Variants in TBC1D3G observed in about 807,000 individuals in gnomAD.
The protein encoded by TBC1D3G is TBC1 domain family member-like.
At chr17:36,323,718 CACAA>C (rs2069377176), upstream of TBC1D3G, among the ~76,000 whole-genome samples, 1 of 127,344 alleles carries the variant, frequency 7.9e-6, no homozygotes, top group Non-Finnish European at 1.7e-5. Flanking sequence ...CACGCACGTG[CACAA>C]ACACATTGCA....
chr17:36,317,775 G>T, the TBC1D3G span, among the ~76,000 whole-genome samples: 1 of 143,890 alleles, frequency 6.9e-6, no homozygotes, highest in Non-Finnish European at 1.5e-5. Context: ...CTCTTTCTCA[G>T]TTTCTCTTGA....
At chr17:36,326,358 A>G (rs1295326409) in intron 3 of TBC1D3G, among the ~76,000 whole-genome samples, 1 of 130,702 alleles carries the variant, frequency 7.7e-6, no homozygotes, top group Admixed American at 7.3e-5. Context: ...GCCAGGTAAG[A>G]GGAGCCCAGC....
At chr17:36,317,703 A>G in the TBC1D3G span, among the ~76,000 whole-genome samples, 1 of 148,932 alleles carries the variant, frequency 6.7e-6, no homozygotes, top group African/African-American at 2.5e-5. Flanking sequence ...TAAGTGCTTA[A>G]ACACCATTCA....
At chr17:36,331,121 GC>G (rs1460448413) in intron 9 of TBC1D3G, among the ~76,000 whole-genome samples, 160 bp from the exon 10 acceptor site, 4 of 80 alleles carry the variant, frequency 0.05, no homozygotes, top group Non-Finnish European at 0.083. Flanking sequence ...GAATGTTCCC[GC>G]CCCACCTCCC....
the TBC1D3G span, among the ~76,000 whole-genome samples, chr17:36,316,531 CA>C: frequency 0.012 from 218 of 17,576 alleles, no homozygotes; most frequent in African/African-American, 0.025. Context: ...AACTCCATCT[CA>C]AAAAAAAAAA....
At chr17:36,326,704 CT>C (rs1328288753) in intron 3 of TBC1D3G, among the ~76,000 whole-genome samples, 1 of 16,404 alleles carries the variant, frequency 6.1e-5, no homozygotes, top group Non-Finnish European at 2.0e-4. Context: ...GCTAACCTTT[CT>C]CAGCTCCAGC....
rs2069410890 is a variant in TBC1D3G at position 36,332,798 on chromosome 17, CG to C, written c.968del (p.Arg323LeufsTer25). On this transcript the variant is annotated frameshift_variant, in exon 13 of 14. Coordinates refer to ENST00000569055, the MANE Select transcript of TBC1D3G (RefSeq NM_001291462.2). LOFTEE classifies it high-confidence loss of function. ...GACGTCCAGGTGTGGCCCGTGGGCA[CG>C]TTTTTGCAACCGGTTCGTTGATACC... is the stretch of plus-strand genomic sequence containing the variant. The part of the protein sequence containing the change: ...TKTSRCGPWA[R>X]FCNRFVDTWA... The C allele has an allele frequency of 1.3e-6, 1 of 759,812 alleles. No homozygotes were observed. Among genetic ancestry groups the C allele is most frequent in the Non-Finnish European group, 1.8e-6 (1 of 549,786 alleles). The allele number at this position is 759,812 out of a possible 1,614,324, so 47.1% of individuals were successfully genotyped here. A position where few individuals can be genotyped will look rare whatever the true frequency, so the allele number is the denominator to read the frequency against.
chr17:36,317,931 A>G, the TBC1D3G span, among the ~76,000 whole-genome samples: 2 of 111,098 alleles, frequency 1.8e-5, no homozygotes, highest in Non-Finnish European at 3.5e-5. Context: ...CTATTTGCCT[A>G]TATTTATCTG....
the TBC1D3G span, among the ~76,000 whole-genome samples, chr17:36,318,435 C>CAAAAAAAAAAAAAAAAAAA: frequency 1.3e-3 from 14 of 10,440 alleles, 3 homozygotes; most frequent in African/African-American, 3.1e-3. Flanking sequence ...GACTTTGTCT[C>CAAAAAAAAAAAAAAAAAAA]AAAAAAAAAA....
chr17:36,317,715 T>G, the TBC1D3G span, among the ~76,000 whole-genome samples: 1 of 148,536 alleles, frequency 6.7e-6, no homozygotes, highest in Non-Finnish European at 1.5e-5. Flanking sequence ...CACCATTCAT[T>G]ACTAAACTAC....
chr17:36,332,799 GT>G lies in TBC1D3G; in HGVS notation c.973del (p.Cys325AlafsTer23). 1 of 771,152 alleles carries G rather than the reference GT, an allele frequency of 1.3e-6. No homozygotes were observed. Among genetic ancestry groups the G allele is most frequent in the East Asian group, 5.3e-5 (1 of 18,716 alleles). 47.8% of individuals were successfully genotyped at this position (771,152 alleles called of 1,614,324 possible). On this transcript the variant is annotated frameshift_variant, in exon 13 of 14. Coordinates refer to ENST00000569055, the MANE Select transcript of TBC1D3G (RefSeq NM_001291462.2). LOFTEE classifies it high-confidence loss of function. ...ACGTCCAGGTGTGGCCCGTGGGCAC[GT>G]TTTTGCAACCGGTTCGTTGATACCT... ...TKTSRCGPWA[R>X]FCNRFVDTWA...
At chr17:36,318,472 A>AAAAAAAAAAAAAAAAAAAAAAAG in the TBC1D3G span, among the ~76,000 whole-genome samples, 5 of 104,092 alleles carry the variant, frequency 4.8e-5, no homozygotes, top group African/African-American at 1.4e-4. Flanking sequence ...AAAAAAAAAA[A>AAAAAAAAAAAAAAAAAAAAAAAG]AAAGAAAGGA....
At chr17:36,317,754 T>C in the TBC1D3G span, among the ~76,000 whole-genome samples, 2 of 146,646 alleles carry the variant, frequency 1.4e-5, no homozygotes, top group African/African-American at 5.1e-5. Flanking sequence ...ATAATTTTTA[T>C]ATAAGCAGTA....
intron 3 of TBC1D3G, among the ~76,000 whole-genome samples, chr17:36,326,465 C>T (rs1472678921): frequency 7.0e-5 from 6 of 86,126 alleles, no homozygotes; most frequent in African/African-American, 1.5e-4. Flanking sequence ...ACTTCTGAAA[C>T]GCAGGGTGTG....
intron 3 of TBC1D3G, among the ~76,000 whole-genome samples, chr17:36,326,445 G>C (rs1416928002): frequency 9.9e-6 from 1 of 101,146 alleles, no homozygotes; most frequent in African/African-American, 3.3e-5. Flanking sequence ...GGGAGCTGAC[G>C]AGCGGTGCCA....
At chr17:36,317,758 A>C in the TBC1D3G span, among the ~76,000 whole-genome samples, 10 of 146,412 alleles carry the variant, frequency 6.8e-5, no homozygotes, top group South Asian at 2.2e-3. Context: ...TTTTTATATA[A>C]GCAGTACTCT....
At chr17:36,333,356 C>G (rs1256383400) in intron 13 of TBC1D3G, among the ~76,000 whole-genome samples, 11 of 58,574 alleles carry the variant, frequency 1.9e-4, no homozygotes, top group African/African-American at 7.2e-4. Flanking sequence ...CAAGGGAATC[C>G]GTGTCCCTGA....
At chr17:36,317,761 A>G in the TBC1D3G span, among the ~76,000 whole-genome samples, 2 of 146,042 alleles carry the variant, frequency 1.4e-5, no homozygotes, top group Non-Finnish European at 3.0e-5. Context: ...TTATATAAGC[A>G]GTACTCTTTC....
chr17:36,318,078 G>A, the TBC1D3G span, among the ~76,000 whole-genome samples: 1 of 78,360 alleles, frequency 1.3e-5, no homozygotes, highest in Non-Finnish European at 2.2e-5. Flanking sequence ...GGCAGGCTGA[G>A]GCGGGAGGAT....
Sources: gnomAD v4.1 joint callset for allele counts (sites outside exome capture counted in the v4.1 genomes callset) on GRCh38, gnomAD v4.1.1 for gene constraint, MANE v1.5 for transcripts, NCBI Gene and HGNC (gene_info 2026-07-23, HGNC 2026-07-21) for gene names.